ERGIC1: variants seen among roughly 807,000 people sequenced by gnomAD.
ERGIC1 encodes endoplasmic reticulum-Golgi intermediate compartment protein 1.
Under a neutral mutation model 38.3 loss-of-function variants are expected in ERGIC1, and 19 were observed. The ratio of observed to expected loss-of-function variants is 0.50; its 90% confidence interval spans 0.35 to 0.73. The LOEUF (loss-of-function observed/expected upper bound fraction) is 0.73, where lower values mean the gene tolerates loss of function less well. Among genes scored for constraint, ERGIC1 ranks in the 30% least tolerant of loss-of-function variants. The probability of loss-of-function intolerance (pLI) is 0.01; values close to 1 mark genes in which losing one functional copy is unlikely to be tolerated. For missense variants in ERGIC1, 294 were observed against 389.2 expected, an observed-to-expected ratio of 0.76 and a Z score of 2.06; for synonymous variants, 124 against 157.6, an observed-to-expected ratio of 0.79 and a Z score of 1.60.
At chr5:172,943,229 C>T (rs512952) in intron 9 of ERGIC1, among the ~76,000 whole-genome samples, 5,340 of 152,178 alleles carry the variant, frequency 0.035, 317 homozygotes, top group African/African-American at 0.12. Context: ...GAGGTTCTTG[C>T]GAGGTGGGGT....
chr5:172,949,660 G>A (rs1764191585), intron 9 of ERGIC1, among the ~76,000 whole-genome samples: 2 of 151,778 alleles, frequency 1.3e-5, no homozygotes, highest in South Asian at 4.2e-4. Context: ...CGTGGCGGGG[G>A]GGGGTATGAT....
At chr5:172,842,734 A>AT (rs1282861302) in intron 1 of ERGIC1, among the ~76,000 whole-genome samples, 2 of 152,200 alleles carry the variant, frequency 1.3e-5, no homozygotes, top group Non-Finnish European at 1.5e-5. Context: ...TTTCATTGTG[A>AT]TTTTTATTTG....
intron 3 of ERGIC1, 87 bp from the exon 4 acceptor site, chr5:172,909,580 C>T (rs1763155212): frequency 1.6e-6 from 2 of 1,259,186 alleles, no homozygotes; most frequent in Non-Finnish European, 1.2e-6. Flanking sequence ...GTTGTGGTCA[C>T]CAAGTGAAGT....
chr5:172,936,040 T>C (rs903443956), intron 9 of ERGIC1: 4 of 152,374 alleles, frequency 2.6e-5, no homozygotes, highest in African/African-American at 9.6e-5. Context: ...AAGATAAATA[T>C]GGCATTGGGA....
In ERGIC1 at chr5:172,909,764, G is replaced by A. The variant is rs144316171; in HGVS notation, c.250+3G>A. Reference sequence around the variant, plus strand: ...TTTACCCAATCTGCACTGCGAGTGTGAGTACTCCACGCAGCCCCTCCCTCC... The same window carrying A: ...TTTACCCAATCTGCACTGCGAGTGTAAGTACTCCACGCAGCCCCTCCCTCC... On this transcript the variant is annotated splice_donor_region_variant and intron_variant, in intron 4 of 9. Coordinates refer to ENST00000393784, the MANE Select transcript of ERGIC1 (RefSeq NM_001031711.3). The A allele has an allele frequency of 3.6e-5, 58 of 1,613,794 alleles. No homozygotes were observed. The African/African-American group carries it at 6.8e-4, about 19-fold the overall frequency.
At chr5:172,893,144 CTGTTT>C (rs1220486144) in intron 2 of ERGIC1, among the ~76,000 whole-genome samples, 4 of 152,102 alleles carry the variant, frequency 2.6e-5, no homozygotes, top group Non-Finnish European at 5.9e-5. Flanking sequence ...TGAACACATC[CTGTTT>C]TGTTTCGTTT....
Position 172,837,104 on chromosome 5 carries a change from A to G in ERGIC1, c.20+2671A>G, listed in dbSNP as rs537663605. On this transcript the variant is annotated intron_variant, in intron 1 of 9. Coordinates refer to ENST00000393784, the MANE Select transcript of ERGIC1 (RefSeq NM_001031711.3). The surrounding 1 kb of genome is among the most constrained non-coding windows in gnomAD (Gnocchi z 4.3). Reference sequence around the variant, plus strand: ...GTGATTAGACCTCCTCCCCCAGTTCAAGGCCAGGGAGAAAACCAGCCGTCC... The same window carrying G: ...GTGATTAGACCTCCTCCCCCAGTTCGAGGCCAGGGAGAAAACCAGCCGTCC... Among the ~76,000 whole-genome samples the G allele has an allele frequency of 4.1e-4, 62 of 152,280 alleles. No individual in the cohort carries two copies. Among genetic ancestry groups the G allele is most frequent in the African/African-American group, 1.5e-3 (61 of 41,560 alleles).
chr5:172,872,050 C>T (rs1437374775), intron 1 of ERGIC1, among the ~76,000 whole-genome samples: 1 of 152,110 alleles, frequency 6.6e-6, no homozygotes, highest in African/African-American at 2.4e-5. Context: ...AGCTGCCTGC[C>T]CCTTCAGGTC....
At chr5:172,911,761 G>A (rs1763213245) in intron 4 of ERGIC1, among the ~76,000 whole-genome samples, 1 of 152,060 alleles carries the variant, frequency 6.6e-6, no homozygotes, top group Non-Finnish European at 1.5e-5. Flanking sequence ...CTCATATCCT[G>A]CTTTTAAAAA....
chr5:172,911,157 C>T (rs1763197854), intron 4 of ERGIC1, among the ~76,000 whole-genome samples: 1 of 152,186 alleles, frequency 6.6e-6, no homozygotes, highest in Non-Finnish European at 1.5e-5. Flanking sequence ...TGAGAGAACA[C>T]TGGGTGCATC....
chr5:172,846,195 C>G lies in ERGIC1; in HGVS notation c.20+11762C>G, dbSNP rs1040196022. On this transcript the variant is annotated intron_variant, in intron 1 of 9. Transcript: ENST00000393784. The surrounding 1 kb of genome is among the most constrained non-coding windows in gnomAD (Gnocchi z 4.0). ...ATTTGGGTTGGTGGTCTTTCTCCCC[C>G]TCCCCCAATCCCCTGCACCCATCAT... is the stretch of plus-strand genomic sequence containing the variant. Among the ~76,000 whole-genome samples the G allele has an allele frequency of 6.6e-6, 1 of 152,166 alleles. No individual in the cohort carries two copies. The highest frequency in any genetic ancestry group is 1.5e-5 in the Non-Finnish European group (1 of 68,018).
At chr5:172,908,328 A>AGGAGGGGGGGGGGGAGGGGG (rs1561729710) in intron 3 of ERGIC1, among the ~76,000 whole-genome samples, 1 of 236 alleles carries the variant, frequency 4.2e-3, no homozygotes, top group Non-Finnish European at 7.7e-3. Context: ...GAGAGAGGGG[A>AGGAGGGGGGGGGGGAGGGGG]GGGGGGGAGG....
At chr5:172,873,205 C>CA (rs1203575537) in intron 1 of ERGIC1, among the ~76,000 whole-genome samples, 1 of 152,238 alleles carries the variant, frequency 6.6e-6, no homozygotes, top group African/African-American at 2.4e-5. Context: ...AGCATCTGCA[C>CA]ACAGGATGTT....
intron 9 of ERGIC1, among the ~76,000 whole-genome samples, chr5:172,940,832 G>T (rs1482103642): frequency 6.6e-6 from 1 of 152,172 alleles, no homozygotes; most frequent in Non-Finnish European, 1.5e-5. Context: ...CTAACCTGGG[G>T]ACTAATCCCC....
chr5:172,935,125 A>G, intron 8 of ERGIC1, 63 bp from the exon 9 acceptor site: 1 of 1,610,740 alleles, frequency 6.2e-7, no homozygotes, highest in Non-Finnish European at 8.5e-7. Context: ...GCCCTCTGCA[A>G]TCCAGTCCCC....
Position 172,918,499 on chromosome 5 carries a change from C to G in ERGIC1, c.375+3661C>G, listed in dbSNP as rs572168881. 5.2e-3 allele frequency among the ~76,000 whole-genome samples: 788 copies of G among 152,266 alleles called. 5 individuals are homozygous for G. Among genetic ancestry groups the G allele is most frequent in the Middle Eastern group, 0.02 (6 of 294 alleles). ...AACAAAAGGTGCAAGAAGGGGCAGT[C>G]GAACAGGAAGGAGGAAGCAAAGGCT... On this transcript the variant is annotated intron_variant, in intron 5 of 9. Coordinates refer to ENST00000393784, the MANE Select transcript of ERGIC1 (RefSeq NM_001031711.3).
chr5:172,867,191 G>T (rs793027), intron 1 of ERGIC1: 350,683 of 455,252 alleles, frequency 0.77, 137,147 homozygotes, highest in Non-Finnish European at 0.83. Flanking sequence ...GACCTTTATC[G>T]TGCTACCTGG....
intron 1 of ERGIC1, among the ~76,000 whole-genome samples, chr5:172,882,850 A>C (rs6881530): frequency 0.32 from 48,313 of 151,926 alleles, 9,249 homozygotes; most frequent in East Asian, 0.48. Flanking sequence ...AGCACCTAAA[A>C]TTCAGCACCT....
intron 1 of ERGIC1, among the ~76,000 whole-genome samples, chr5:172,853,766 T>G (rs2113050230): frequency 6.6e-6 from 1 of 152,326 alleles, no homozygotes; most frequent in East Asian, 1.9e-4. Context: ...TTTGCTCAGT[T>G]GGGGCAATTG....
Sources: allele counts gnomAD v4.1 joint callset (sites outside exome capture counted in the v4.1 genomes callset), GRCh38; gene constraint gnomAD v4.1.1; non-coding constraint Gnocchi (gnomAD v3.1); transcripts MANE v1.5; gene names NCBI Gene and HGNC (gene_info 2026-07-23, HGNC 2026-07-21).